Variants in TLN2 observed in about 807,000 individuals in gnomAD.
The protein encoded by TLN2 is talin-2.
In TLN2, 118 loss-of-function variants were observed where a neutral mutation model predicts 294.7. The observed-to-expected ratio is 0.40, with a 90% CI of 0.34 to 0.47. TLN2 has a LOEUF of 0.47. TLN2 is among the 20% of genes least tolerant of loss of function. TLN2 has a pLI of 0.84. For synonymous variants in TLN2, 1,431 were observed against 1,304.5 expected (o/e 1.10, Z -2.09); for missense variants, 3,083 against 3,282.2 (o/e 0.94, Z 1.48).
chr15:62,752,351 G>C lies in TLN2; in HGVS notation c.4256G>C (p.Gly1419Ala). The C allele has an allele frequency of 1.2e-6, 2 of 1,614,172 alleles. No individual in the cohort carries two copies. Residue 1419 changes from glycine to alanine, a missense_variant, in exon 35 of 59, where the codon GGA becomes GCA. Physicochemically the swap from Gly to Ala is moderately conservative, Grantham distance 60. Coordinates refer to ENST00000636159, the MANE Select transcript of TLN2 (RefSeq NM_015059.3). ...MAGISQNAKT[G>A]DLPAFGECVG... ...GGGATTTCACAGAATGCCAAGACCGGAGACCTCCCTGCCTTTGGGGAATGT... is the reference window on the plus strand; with the variant it reads ...GGGATTTCACAGAATGCCAAGACCGCAGACCTCCCTGCCTTTGGGGAATGT...
Position 62,653,297 on chromosome 15 carries a change from T to A in TLN2, c.500T>A (p.Leu167Gln). 1.2e-6 allele frequency: 2 copies of A among 1,613,220 alleles called. No homozygotes were observed. The highest frequency in any genetic ancestry group is 1.7e-6 in the Non-Finnish European group (2 of 1,179,732). ...AAAATGGAGAAGTTGAAGGCCAAGCTGCACACAGATGATGACCGTAAGTGT... is the reference window on the plus strand; with the variant it reads ...AAAATGGAGAAGTTGAAGGCCAAGCAGCACACAGATGATGACCGTAAGTGT... ...ERKMEKLKAKLHTDDDLNWLD... is the reference protein window; with the variant it reads ...ERKMEKLKAKQHTDDDLNWLD... Residue 167 changes from leucine to glutamine, a missense_variant, in exon 7 of 59, where the codon CTG becomes CAG. Coordinates refer to ENST00000636159, the MANE Select transcript of TLN2 (RefSeq NM_015059.3).
At chr15:62,755,372 C>G (rs551332051) in intron 36 of TLN2, 160 bp from the exon 37 acceptor site, 41 of 832,732 alleles carry the variant, frequency 4.9e-5, no homozygotes, top group Admixed American at 4.4e-4. Flanking sequence ...TCTTGCCCTC[C>G]TCTTTCTTGG....
At position 62,820,491 on chromosome 15, in the gene TLN2, G is replaced by C. The variant is rs759290667; in HGVS notation, c.6883G>C (p.Glu2295Gln). 6 of 1,613,880 alleles carry C rather than the reference G, an allele frequency of 3.7e-6. No individual in the cohort carries two copies. In the South Asian group the frequency reaches 6.6e-5, roughly 18 times the overall value. ...TTCTTTTGGACTGATTCTAGGAACA[G>C]AGTGGGTGGATCCAGAAGACCCAAC... ...IQAAEAMKGT[E>Q]WVDPEDPTVI... Residue 2295 changes from glutamate (E) to glutamine (Q), a missense_variant, in exon 54 of 59, where the codon GAG becomes CAG. Glu to Gln is a conservative substitution (Grantham distance 29, BLOSUM62 2). Transcript: ENST00000636159.
In TLN2 at chr15:62,750,422, C is replaced by G; in HGVS notation, c.4140C>G (p.Asp1380Glu). The change falls in exon 34 of 59, where the codon GAC becomes GAG. Residue 1380 changes from aspartate (D) to glutamate (E), a missense_variant. Coordinates refer to ENST00000636159, the MANE Select transcript of TLN2 (RefSeq NM_015059.3). ...TGTAGACTGTGAAGGGGATGTTGGACAATCCTAATGAACCTGTTAGTGACC... is the reference window on the plus strand; with the variant it reads ...TGTAGACTGTGAAGGGGATGTTGGAGAATCCTAATGAACCTGTTAGTGACC... The part of the protein sequence containing the change: ...RELETVKGML[D>E]NPNEPVSDLS... 1 of 1,614,094 alleles carries G rather than the reference C, an allele frequency of 6.2e-7. No homozygotes were observed. Among genetic ancestry groups the G allele is most frequent in the Non-Finnish European group, 8.5e-7 (1 of 1,179,960 alleles).
intron 39 of TLN2, among the ~76,000 whole-genome samples, chr15:62,762,804 A>G (rs1231849922): frequency 1.3e-5 from 2 of 152,142 alleles, no homozygotes; most frequent in Non-Finnish European, 2.9e-5. Context: ...TAATCACTGT[A>G]CTACATTGTC....
intron 1 of TLN2, among the ~76,000 whole-genome samples, chr15:62,529,221 G>A (rs1596025244): frequency 6.6e-6 from 1 of 152,082 alleles, no homozygotes; most frequent in East Asian, 1.9e-4. Flanking sequence ...AGCATCCTGA[G>A]TAGCTGGGAC....
rs1566936795 is a variant in TLN2 at position 62,391,472 on chromosome 15, G to A, written c.-238+787G>A. The stretch of plus-strand genomic sequence containing the variant: ...CGCCCATTGGAAGCTGGAGGGACCT[G>A]GAGACGAGTATTTCGGGATCCCTGA... On this transcript the variant is annotated intron_variant, in intron 1 of 58. Transcript: ENST00000636159. Among the ~76,000 whole-genome samples the A allele has an allele frequency of 2.6e-5, 4 of 152,380 alleles. No homozygotes were observed. The East Asian group carries it at 7.7e-4, about 29-fold the overall frequency.
At position 62,755,563 on chromosome 15, in the gene TLN2, A is replaced by G; in HGVS notation, c.4508A>G (p.His1503Arg). 1 of 1,614,218 alleles carries G rather than the reference A, an allele frequency of 6.2e-7. No individual in the cohort carries two copies. The highest frequency in any genetic ancestry group is 8.5e-7 in the Non-Finnish European group (1 of 1,180,010). ...VLSAATIVAK[H>R]TSALCNACRI... ...TCAGCCGCCACAATTGTTGCCAAGCACACGTCAGCCTTGTGCAATGCCTGC... is the reference window on the plus strand; with the variant it reads ...TCAGCCGCCACAATTGTTGCCAAGCGCACGTCAGCCTTGTGCAATGCCTGC... Residue 1503 changes from histidine to arginine, a missense_variant, in exon 37 of 59, where the codon CAC becomes CGC. His to Arg is a conservative substitution (Grantham distance 29). Transcript: ENST00000636159.
chr15:62,752,411 C>T lies in TLN2; in HGVS notation c.4316C>T (p.Thr1439Ile), dbSNP rs772823874. 6.2e-7 allele frequency: 1 copy of T among 1,614,128 alleles called. No homozygotes were observed. The highest frequency in any genetic ancestry group is 8.5e-7 in the Non-Finnish European group (1 of 1,180,008). ...GCATCCAAGGCTCTCTGTGGGCTGA[C>T]AGAGGCTGCAGCCCAGGTAAGGGGC... is the stretch of plus-strand genomic sequence containing the variant. The part of the protein sequence containing the change: ...GIASKALCGL[T>I]EAAAQAAYLV... The change falls in exon 35 of 59, where the codon ACA becomes ATA. Residue 1439 changes from threonine (T) to isoleucine (I), a missense_variant. Transcript: ENST00000636159.
chr15:62,640,697 C>A (rs1180807516), intron 3 of TLN2, among the ~76,000 whole-genome samples: 1 of 152,216 alleles, frequency 6.6e-6, no homozygotes, highest in African/African-American at 2.4e-5. Flanking sequence ...CGCACACACA[C>A]TCAGCCTCAC....
chr15:62,425,383 G>A (rs1054958023), intron 1 of TLN2, among the ~76,000 whole-genome samples: 2 of 152,124 alleles, frequency 1.3e-5, no homozygotes, highest in African/African-American at 2.4e-5. Flanking sequence ...ACCTTGGGAC[G>A]TGCATCCTCA....
intron 1 of TLN2, among the ~76,000 whole-genome samples, chr15:62,499,005 G>C (rs1257103248): frequency 6.6e-6 from 1 of 152,142 alleles, no homozygotes; most frequent in African/African-American, 2.4e-5. Flanking sequence ...TATGGTCTTT[G>C]CCACTGTACT....
At chr15:62,499,389 G>A (rs944951261) in intron 1 of TLN2, among the ~76,000 whole-genome samples, 2 of 152,188 alleles carry the variant, frequency 1.3e-5, no homozygotes, top group Non-Finnish European at 2.9e-5. Context: ...GGCAGAGGTT[G>A]AGGTGAGCTG....
At chr15:62,653,426 C>G in intron 7 of TLN2, 112 bp downstream of exon 7, 1 of 1,313,452 alleles carries the variant, frequency 7.6e-7, no homozygotes, top group Non-Finnish European at 1.0e-6. Context: ...GTTTTTAAAA[C>G]TCTATTTTAA....
At chr15:62,442,357 G>A (rs939596550) in intron 1 of TLN2, among the ~76,000 whole-genome samples, 1 of 151,892 alleles carries the variant, frequency 6.6e-6, no homozygotes. Flanking sequence ...TAGCTGGTGT[G>A]GTGGTGCGTG....
chr15:62,805,635 A>G lies in TLN2; in HGVS notation c.6513A>G (p.Ser2171=), dbSNP rs1308861390. 6.2e-7 allele frequency: 1 copy of G among 1,613,210 alleles called. No homozygotes were observed. ...CAAAAGACGTACCTGAAAAGACATC[A>G]TCACCTGAAGAATCCATAAGGATGA... ...FQSKDVPEKT[S]SPEESIRMTK... The change falls in exon 51 of 59, where the codon TCA becomes TCG. Residue 2171 remains serine (S), a synonymous_variant. Transcript: ENST00000636159.
intron 12 of TLN2, among the ~76,000 whole-genome samples, chr15:62,688,798 C>T (rs907038002): frequency 1.3e-5 from 2 of 152,050 alleles, no homozygotes; most frequent in Non-Finnish European, 2.9e-5. Context: ...TCTACTGTAT[C>T]TAATGTTGAC....
intron 51 of TLN2, among the ~76,000 whole-genome samples, chr15:62,807,507 G>T (rs72741206): frequency 0.025 from 3,813 of 152,286 alleles, 67 homozygotes; most frequent in Middle Eastern, 0.075. Flanking sequence ...GTTCAAGGTC[G>T]CTATGGTTGA....
intron 12 of TLN2, among the ~76,000 whole-genome samples, chr15:62,692,227 C>T (rs1442033323): frequency 6.6e-5 from 10 of 152,060 alleles, no homozygotes; most frequent in East Asian, 3.8e-4. Flanking sequence ...GGGTGACCTT[C>T]GTTGCAGGAA....
Sources: gnomAD v4.1 joint callset for allele counts (sites outside exome capture counted in the v4.1 genomes callset) on GRCh38, gnomAD v4.1.1 for gene constraint, MANE v1.5 for transcripts, NCBI Gene and HGNC (gene_info 2026-07-23, HGNC 2026-07-21) for gene names.